Variants in TMEM132B observed in about 807,000 individuals in gnomAD.
TMEM132B encodes the protein transmembrane protein 132B.
A neutral mutation model predicts 90.8 loss-of-function variants in TMEM132B; 18 were observed. The observed-to-expected ratio is 0.20, with a 90% CI of 0.14 to 0.29. The LOEUF (loss-of-function observed/expected upper bound fraction) is 0.29, where lower values mean the gene tolerates loss of function less well. Among genes scored for constraint, TMEM132B ranks in the 10% least tolerant of loss-of-function variants. The pLI, the probability that TMEM132B is intolerant of heterozygous loss-of-function variation, is 1.00. For synonymous variants in TMEM132B, 504 were observed against 523.3 expected (o/e 0.96, Z 0.50); for missense variants, 1,096 against 1,326.8 (o/e 0.83, Z 2.70).
At chr12:125,292,516 G>C (rs368710978) in intron 1 of TMEM132B, among the ~76,000 whole-genome samples, 1 of 152,198 alleles carries the variant, frequency 6.6e-6, no homozygotes, top group Middle Eastern at 3.2e-3. Context: ...TTCTGTTTGC[G>C]AGTGACAGAA....
chr12:125,392,227 G>T (rs1381423930), intron 2 of TMEM132B, among the ~76,000 whole-genome samples: 2 of 152,256 alleles, frequency 1.3e-5, no homozygotes, highest in African/African-American at 4.8e-5. Flanking sequence ...GAGACGAGGG[G>T]CAAAGTGGAA....
intron 3 of TMEM132B, among the ~76,000 whole-genome samples, chr12:125,501,973 T>C (rs1478453478): frequency 6.6e-6 from 1 of 152,238 alleles, no homozygotes; most frequent in East Asian, 1.9e-4. Context: ...ATTTTGTGCA[T>C]GTATGTGCAC....
intron 3 of TMEM132B, among the ~76,000 whole-genome samples, chr12:125,486,334 T>C (rs1364982701): frequency 6.6e-6 from 1 of 152,190 alleles, no homozygotes; most frequent in Admixed American, 6.5e-5. Context: ...TATTACATGG[T>C]GTTATAGTGT....
At position 125,498,685 on chromosome 12, in the gene TMEM132B, A is replaced by G. The variant is rs984034306; in HGVS notation, c.1107-20754A>G. Among the ~76,000 whole-genome samples the G allele has an allele frequency of 1.3e-5, 2 of 152,196 alleles. No homozygotes were observed. Among genetic ancestry groups the G allele is most frequent in the Non-Finnish European group, 2.9e-5 (2 of 68,028 alleles). On this transcript the variant is annotated intron_variant, in intron 3 of 8. Transcript: ENST00000682704. The surrounding 1 kb of genome is among the most constrained non-coding windows in gnomAD (Gnocchi z 4.5). Reference sequence around the variant, plus strand: ...AGTTGGAAAGACCAGCTTACACTCCAGGCTGCGGGGTCCTTGGAACACATT... The same window carrying G: ...AGTTGGAAAGACCAGCTTACACTCCGGGCTGCGGGGTCCTTGGAACACATT...
At chr12:125,321,741 G>A (rs559685667) in intron 1 of TMEM132B, among the ~76,000 whole-genome samples, 3 of 152,198 alleles carry the variant, frequency 2.0e-5, no homozygotes, top group South Asian at 2.1e-4. Flanking sequence ...GCCTCTCAAA[G>A]TGTTGGGATT....
intron 5 of TMEM132B, among the ~76,000 whole-genome samples, chr12:125,601,150 T>G (rs1885560691): frequency 6.6e-6 from 1 of 152,138 alleles, no homozygotes; most frequent in Non-Finnish European, 1.5e-5. Flanking sequence ...CCACCCCAAA[T>G]CAACAGAATA....
chr12:125,212,085 C>T (rs1345565457), intron 1 of TMEM132B, among the ~76,000 whole-genome samples: 2 of 152,172 alleles, frequency 1.3e-5, no homozygotes, highest in Non-Finnish European at 2.9e-5. Context: ...CAGTCTGACT[C>T]CGGACAGATG....
At chr12:125,273,396 G>T (rs1281048089) in intron 1 of TMEM132B, among the ~76,000 whole-genome samples, 1 of 152,036 alleles carries the variant, frequency 6.6e-6, no homozygotes, top group African/African-American at 2.4e-5. Flanking sequence ...AGACCAACCC[G>T]GGCAACACAG....
At chr12:125,644,045 T>A (rs931701205) in intron 5 of TMEM132B, 31 bp from the exon 6 acceptor site, 1 of 1,591,288 alleles carries the variant, frequency 6.3e-7, no homozygotes, top group Non-Finnish European at 8.6e-7. Context: ...TTCCTACTGA[T>A]GCATCTCAAG....
Position 125,654,528 on chromosome 12 carries a change from C to A in TMEM132B, c.3070C>A (p.Pro1024Thr), listed in dbSNP as rs111507651. ...IKNEPMNSSGPKRKRVKFTSY... is the reference protein window; with the variant it reads ...IKNEPMNSSGTKRKRVKFTSY... ...AAATGAACCTATGAATTCTTCGGGC[C>A]CAAAGAGGAAGAGAGTCAAGTTCAC... is the stretch of plus-strand genomic sequence containing the variant. The change falls in exon 9 of 9, where the codon CCA becomes ACA. Residue 1024 changes from proline (P) to threonine (T), a missense_variant. Pro to Thr is a conservative substitution (Grantham distance 38). Coordinates refer to ENST00000682704, the MANE Select transcript of TMEM132B (RefSeq NM_001366854.1). The surrounding 1 kb of genome is among the most constrained non-coding windows in gnomAD (Gnocchi z 5.8). 1.2e-6 allele frequency: 2 copies of A among 1,614,024 alleles called. No homozygotes were observed.
chr12:125,287,691 T>C (rs1875400402), intron 1 of TMEM132B, among the ~76,000 whole-genome samples: 1 of 152,160 alleles, frequency 6.6e-6, no homozygotes, highest in Non-Finnish European at 1.5e-5. Flanking sequence ...TCTCCAAAGG[T>C]AACCACTTTA....
chr12:125,334,927 C>T (rs771643204), intron 1 of TMEM132B, among the ~76,000 whole-genome samples: 7 of 152,202 alleles, frequency 4.6e-5, no homozygotes, highest in African/African-American at 1.7e-4. Flanking sequence ...TCTGAGCGTG[C>T]GGCCCTGGAA....
At chr12:125,446,972 T>C (rs929152965) in intron 3 of TMEM132B, among the ~76,000 whole-genome samples, 39 of 152,262 alleles carry the variant, frequency 2.6e-4, no homozygotes, top group African/African-American at 8.7e-4. Flanking sequence ...GAAGTGACCC[T>C]CTTTATCTAT....
At chr12:125,282,037 AAAAAAAAAAAAAAAAAAAAAAAAG>A (rs1875200535) in intron 1 of TMEM132B, among the ~76,000 whole-genome samples, 1 of 64,094 alleles carries the variant, frequency 1.6e-5, no homozygotes, top group Admixed American at 1.6e-4. Context: ...CAAAAAAAAA[AAAAAAAAAAAAAAAAAAAAAAAAG>A]AGAGACTTTT....
At chr12:125,321,200 C>T (rs139781755) in intron 1 of TMEM132B, among the ~76,000 whole-genome samples, 18 of 152,250 alleles carry the variant, frequency 1.2e-4, no homozygotes, top group African/African-American at 3.1e-4. Context: ...GGAGAGAAAC[C>T]GGAGGTCCTA....
At chr12:125,547,088 C>G (rs1884110256) in intron 4 of TMEM132B, among the ~76,000 whole-genome samples, 1 of 152,210 alleles carries the variant, frequency 6.6e-6, no homozygotes. Context: ...TCAATGACCT[C>G]TACCTGGTCC....
chr12:125,351,101 C>A (rs549036820), intron 2 of TMEM132B, among the ~76,000 whole-genome samples: 1 of 152,168 alleles, frequency 6.6e-6, no homozygotes, highest in East Asian at 1.9e-4. Context: ...TAAATAGAGA[C>A]CCACACAAGA....
Position 125,271,203 on chromosome 12 carries a change from A to G in TMEM132B, c.68-78249A>G, listed in dbSNP as rs115707201. On this transcript the variant is annotated intron_variant, in intron 1 of 8. Transcript: ENST00000682704. ...ACGCTGGTCTCAAACTCTTGGCCTC[A>G]AGGGATCCTCCTGCCTCAGCTTCCT... 3.7e-3 allele frequency among the ~76,000 whole-genome samples: 561 copies of G among 152,288 alleles called. 8 individuals are homozygous for G. The highest frequency in any genetic ancestry group is 0.013 in the African/African-American group (532 of 41,564).
chr12:125,412,862 C>G (rs1251184157), intron 2 of TMEM132B, among the ~76,000 whole-genome samples: 1 of 152,054 alleles, frequency 6.6e-6, no homozygotes, highest in Non-Finnish European at 1.5e-5. Context: ...CCTGGAACAT[C>G]ATGACGGCAA....
Sources: allele counts gnomAD v4.1 joint callset (sites outside exome capture counted in the v4.1 genomes callset), GRCh38; gene constraint gnomAD v4.1.1; non-coding constraint Gnocchi (gnomAD v3.1); transcripts MANE v1.5; gene names NCBI Gene and HGNC (gene_info 2026-07-23, HGNC 2026-07-21).